The following TREML2 variants were observed in gnomAD, a reference collection of about 807,000 sequenced individuals.
TREML2 encodes the protein triggering receptor expressed on myeloid cells like 2.
A neutral mutation model predicts 25.9 loss-of-function variants in TREML2; 24 were observed. The observed-to-expected ratio is 0.93, with a 90% confidence interval of 0.67 to 1.30. The LOEUF is 1.30. TREML2 is among the 50% of genes most tolerant of loss of function. The pLI is 0.00. For synonymous variants in TREML2, 139 were observed against 155.2 expected (o/e 0.90, Z 0.77); for missense variants, 359 against 395.6 (o/e 0.91, Z 0.78).
chr6:41,192,089 T>A lies in TREML2; in HGVS notation c.*338A>T. The A allele has an allele frequency of 6.6e-6, 2 of 304,952 alleles. No individual in the cohort carries two copies. Among genetic ancestry groups the A allele is most frequent in the East Asian group, 1.3e-4 (2 of 15,704 alleles). 18.9% of individuals were successfully genotyped at this position (304,952 alleles called of 1,614,324 possible). A position where few individuals can be genotyped will look rare whatever the true frequency, so the allele number is the denominator to read the frequency against. ...TAGGGTTTCTGAGGCAGACGGGAGCTGAGGTTCTCTGTAAACAGCACTCTC... is the reference window on the plus strand; with the variant it reads ...TAGGGTTTCTGAGGCAGACGGGAGCAGAGGTTCTCTGTAAACAGCACTCTC... On this transcript the variant is annotated 3_prime_UTR_variant, in exon 5 of 5. Coordinates refer to ENST00000483722, the MANE Select transcript of TREML2 (RefSeq NM_024807.4).
rs112022837 is a variant in TREML2 at position 41,192,344 on chromosome 6, C to T, written c.*83G>A. ...CACAAGTCCTCCAGCTTCATAAGATCGATACTGGCCCCAATCTTCACCCCT... is the reference window on the plus strand; with the variant it reads ...CACAAGTCCTCCAGCTTCATAAGATTGATACTGGCCCCAATCTTCACCCCT... On this transcript the variant is annotated 3_prime_UTR_variant, in exon 5 of 5. Transcript: ENST00000483722. 1.1e-3 allele frequency: 1,239 copies of T among 1,099,492 alleles called. 11 individuals carry two copies. In the African/African-American group the frequency reaches 0.017, roughly 15 times the overall value. 68.1% of individuals were successfully genotyped at this position (1,099,492 alleles called of 1,614,324 possible).
rs1766059698 is a variant in TREML2 at position 41,191,394 on chromosome 6, G to A, written c.*1033C>T. On this transcript the variant is annotated 3_prime_UTR_variant, in exon 5 of 5. Coordinates refer to ENST00000483722, the MANE Select transcript of TREML2 (RefSeq NM_024807.4). ...CTCCATTTTCCCTGTCCCCCTGCCT[G>A]GGCCAGTCCTCCAGGCCGTGGTCAG... 6.6e-6 allele frequency: 1 copy of A among 152,286 alleles called. No homozygotes were observed. The highest frequency in any genetic ancestry group is 6.5e-5 in the Admixed American group (1 of 15,274). The allele number at this position is 152,286 out of a possible 1,614,324, so 9.4% of individuals were successfully genotyped here. A position where few individuals can be genotyped will look rare whatever the true frequency, so the allele number is the denominator to read the frequency against.
chr6:41,190,285 G>A lies in TREML2; in HGVS notation c.*2142C>T, dbSNP rs899561235. 3 of 152,114 alleles carry A rather than the reference G, an allele frequency of 2.0e-5. No homozygotes were observed. The highest frequency in any genetic ancestry group is 7.2e-5 in the African/African-American group (3 of 41,404). The allele number at this position is 152,114 out of a possible 1,614,324, so 9.4% of individuals were successfully genotyped here. A position where few individuals can be genotyped will look rare whatever the true frequency, so the allele number is the denominator to read the frequency against. Reference sequence around the variant, plus strand: ...ACTTGCCAAGTTCACACTGAGATGAGTCCACCCTGTACCCTCCCCTCCTCA... The same window carrying A: ...ACTTGCCAAGTTCACACTGAGATGAATCCACCCTGTACCCTCCCCTCCTCA... On this transcript the variant is annotated 3_prime_UTR_variant, in exon 5 of 5. Coordinates refer to ENST00000483722, the MANE Select transcript of TREML2 (RefSeq NM_024807.4).
At position 41,198,366 on chromosome 6, in the gene TREML2, T is replaced by G. The variant is rs1342180774; in HGVS notation, c.119A>C (p.Gln40Pro). The G allele has an allele frequency of 6.2e-7, 1 of 1,614,216 alleles. No individual in the cohort carries two copies. The highest frequency in any genetic ancestry group is 2.2e-5 in the East Asian group (1 of 44,886). ...RLLEGETLSV[Q>P]CSYKGYKNRV... ...GTTTTTGTAGCCCTTATAGGAGCACTGCACAGACAGAGTCTCCCCTTCAAG... is the reference window on the plus strand; with the variant it reads ...GTTTTTGTAGCCCTTATAGGAGCACGGCACAGACAGAGTCTCCCCTTCAAG... Residue 40 changes from glutamine to proline, a missense_variant, in exon 2 of 5, where the codon CAG (glutamine) becomes CCG (proline). Gln to Pro is a moderately conservative substitution (Grantham distance 76, BLOSUM62 -1). Coordinates refer to ENST00000483722, the MANE Select transcript of TREML2 (RefSeq NM_024807.4).
chr6:41,194,646 T>A lies in TREML2; in HGVS notation c.564A>T (p.Thr188=). 6.2e-7 allele frequency: 1 copy of A among 1,613,944 alleles called. No homozygotes were observed. The highest frequency in any genetic ancestry group is 8.5e-7 in the Non-Finnish European group (1 of 1,179,952). Residue 188 remains threonine (T), a synonymous_variant, in exon 3 of 5, where the codon ACA becomes ACT. Coordinates refer to ENST00000483722, the MANE Select transcript of TREML2 (RefSeq NM_024807.4). ...TGCTGGTAGCAGTGAAGCTGTAGCC[T>A]GTCTTGGAGGCAGGTCTGGTGGAGG... ...LLASTRPASK[T]GYSFTATSTT...
chr6:41,201,144 C>T lies in TREML2; in HGVS notation c.-136G>A. On this transcript the variant is annotated 5_prime_UTR_variant, in exon 1 of 5. Coordinates refer to ENST00000483722, the MANE Select transcript of TREML2 (RefSeq NM_024807.4). ...AAGCTGCCCATTTAGGGAAGTGAGG[C>T]AGTGTGGGACCCACTGCCCCCAGCC... 1.0e-6 allele frequency: 1 copy of T among 999,534 alleles called. No individual in the cohort carries two copies. The highest frequency in any genetic ancestry group is 1.6e-6 in the Non-Finnish European group (1 of 623,898). 61.9% of individuals were successfully genotyped at this position (999,534 alleles called of 1,614,324 possible).
rs112522404 is a variant in TREML2 at position 41,190,094 on chromosome 6, T to C, written c.*2333A>G. On this transcript the variant is annotated 3_prime_UTR_variant, in exon 5 of 5. Coordinates refer to ENST00000483722, the MANE Select transcript of TREML2 (RefSeq NM_024807.4). The stretch of plus-strand genomic sequence containing the variant: ...TGGGCATGTCTTAGGCAAGCCCCCC[T>C]GTGCAAGTTCCCATATCTGTGCCTG... Among the ~76,000 whole-genome samples, 3,570 of 152,316 alleles carry C rather than the reference T, an allele frequency of 0.023. 134 individuals carry two copies. Among genetic ancestry groups the C allele is most frequent in the African/African-American group, 0.08 (3,343 of 41,550 alleles).
chr6:41,200,073 G>C (rs1481413471), intron 1 of TREML2, among the ~76,000 whole-genome samples: 2 of 152,182 alleles, frequency 1.3e-5, no homozygotes, highest in Non-Finnish European at 2.9e-5. Flanking sequence ...CAGGACATCT[G>C]TCCCACCAGA....
chr6:41,192,605 T>A (rs1766085915), intron 4 of TREML2, 99 bp from the exon 5 acceptor site: 1 of 1,319,370 alleles, frequency 7.6e-7, no homozygotes, highest in Non-Finnish European at 1.1e-6. Flanking sequence ...CTGCCTCTGG[T>A]TCCTTCCAGG....
chr6:41,192,403 TCC>T lies in TREML2; in HGVS notation c.*22_*23del. ...CCCCTGGGGCCACTCTGGGAGAAGC[TCC>T]CCACCCCATGCTTAAGTGGCCTCAG... On this transcript the variant is annotated 3_prime_UTR_variant, in exon 5 of 5. Transcript: ENST00000483722. 6.2e-7 allele frequency: 1 copy of T among 1,604,956 alleles called. No homozygotes were observed. The highest frequency in any genetic ancestry group is 8.5e-7 in the Non-Finnish European group (1 of 1,172,528).
At position 41,200,497 on chromosome 6, in the gene TREML2, A is replaced by G. The variant is rs563158066; in HGVS notation, c.55+457T>C. ...TCCTCAAGGAGCATTGGTATCTGTG[A>G]GGTGGGAAAGGCATTCACACACTGG... On this transcript the variant is annotated intron_variant, in intron 1 of 4. Transcript: ENST00000483722. 2.0e-5 allele frequency among the ~76,000 whole-genome samples: 3 copies of G among 152,310 alleles called. No individual in the cohort carries two copies. The East Asian group carries it at 5.8e-4, about 29-fold the overall frequency.
In TREML2 at chr6:41,198,420, G is replaced by A. The variant is rs564406669; in HGVS notation, c.65C>T (p.Ala22Val). Residue 22 changes from alanine (A) to valine (V), a missense_variant, in exon 2 of 5, where the codon GCT (alanine) becomes GTT (valine). Ala to Val is a moderately conservative substitution (Grantham distance 64, BLOSUM62 0). Transcript: ENST00000483722. ...CCTCACTTTTGTGTATACACTGTCA[G>A]CAGAGGGGCCTGTGGAGACAATACT... ...WPQGCVSGPS[A>V]DSVYTKVRLL... 81 of 1,610,034 alleles carry A rather than the reference G, an allele frequency of 5.0e-5. 3 individuals carry two copies. The South Asian group carries it at 7.9e-4, about 16-fold the overall frequency.
rs539290076 is a variant in TREML2, at chr6:41,190,248, A to G, written c.*2179T>C. The G allele has an allele frequency of 6.6e-6, 1 of 152,224 alleles. No individual in the cohort carries two copies. Among genetic ancestry groups the G allele is most frequent in the Non-Finnish European group, 1.5e-5 (1 of 68,036 alleles). 9.4% of individuals were successfully genotyped at this position (152,224 alleles called of 1,614,324 possible). A position where few individuals can be genotyped will look rare whatever the true frequency, so the allele number is the denominator to read the frequency against. On this transcript the variant is annotated 3_prime_UTR_variant, in exon 5 of 5. Transcript: ENST00000483722. ...TCTCCAGATGAGGAAACAAGATCAGAGAGGGACAGTGACTTGCCAAGTTCA... is the reference window on the plus strand; with the variant it reads ...TCTCCAGATGAGGAAACAAGATCAGGGAGGGACAGTGACTTGCCAAGTTCA...
intron 3 of TREML2, among the ~76,000 whole-genome samples, chr6:41,193,272 C>T (rs1426358518): frequency 3.3e-5 from 5 of 152,102 alleles, no homozygotes; most frequent in African/African-American, 9.7e-5. Context: ...CAGATGCTGT[C>T]GGGCCCCTGC....
intron 1 of TREML2, among the ~76,000 whole-genome samples, chr6:41,199,708 A>C (rs938910227): frequency 6.6e-6 from 1 of 152,188 alleles, no homozygotes; most frequent in East Asian, 1.9e-4. Flanking sequence ...GAGTCTTCCA[A>C]AAAAACCACA....
rs1766127492 is a variant in TREML2 at position 41,194,700 on chromosome 6, T to C, written c.510A>G (p.Pro170=). 1.2e-6 allele frequency: 2 copies of C among 1,613,980 alleles called. No individual in the cohort carries two copies. The highest frequency in any genetic ancestry group is 2.2e-5 in the South Asian group (2 of 91,066). ...AGAGCCTAGGCAAGGTGATGAGTCC[T>C]GGGGTGAACACCATCACACCAGTGG... The part of the protein sequence containing the change: ...PFTTGVMVFT[P]GLITLPRLLA... Residue 170 remains proline (P), a synonymous_variant, in exon 3 of 5, where the codon CCA becomes CCG. Transcript: ENST00000483722.
intron 3 of TREML2, among the ~76,000 whole-genome samples, 189 bp from the exon 4 acceptor site, chr6:41,193,090 G>T (rs1482497935): frequency 6.6e-6 from 1 of 152,182 alleles, no homozygotes; most frequent in Non-Finnish European, 1.5e-5. Context: ...ACGTCCCCAG[G>T]TAGAGGGGAA....
chr6:41,200,275 GTT>G (rs1052792925), intron 1 of TREML2, among the ~76,000 whole-genome samples: 13 of 152,244 alleles, frequency 8.5e-5, no homozygotes, highest in African/African-American at 2.9e-4. Flanking sequence ...GTGGGAAGCT[GTT>G]TCTCTACCCT....
intron 3 of TREML2, 86 bp downstream of exon 3, chr6:41,194,339 G>A (rs1424413555): frequency 2.6e-5 from 35 of 1,367,318 alleles, no homozygotes; most frequent in Non-Finnish European, 7.8e-6. Context: ...GGGAGCAAAA[G>A]GGGAAGGTCA....
Sources: gnomAD v4.1 joint callset for allele counts (sites outside exome capture counted in the v4.1 genomes callset) on GRCh38, gnomAD v4.1.1 for gene constraint, MANE v1.5 for transcripts, NCBI Gene and HGNC (gene_info 2026-07-23, HGNC 2026-07-21) for gene names.